LRP1B: variants seen among roughly 807,000 people sequenced by gnomAD.
LRP1B encodes low-density lipoprotein receptor-related protein 1B.
A neutral mutation model predicts 556.6 loss-of-function variants in LRP1B; 217 were observed. The observed-to-expected ratio is 0.39, with a 90% CI of 0.35 to 0.44. The LOEUF is 0.44. Among genes scored for constraint, LRP1B ranks in the 20% least tolerant of loss-of-function variants. The probability of loss-of-function intolerance (pLI) is 1.00; values close to 1 mark genes in which losing one functional copy is unlikely to be tolerated. For synonymous variants in LRP1B, 2,047 were observed against 1,865.8 expected, an observed-to-expected ratio of 1.10 and a Z score of -2.50; for missense variants, 5,053 against 5,620.8, an observed-to-expected ratio of 0.90 and a Z score of 3.23.
chr2:141,756,818 A>G (rs570386096), intron 2 of LRP1B, among the ~76,000 whole-genome samples: 31 of 152,254 alleles, frequency 2.0e-4, no homozygotes, highest in African/African-American at 7.2e-4. Flanking sequence ...AGTGGGGTAT[A>G]CCATCTAGGT....
intron 25 of LRP1B, among the ~76,000 whole-genome samples, chr2:140,881,398 A>T (rs1014251812): frequency 6.6e-6 from 1 of 152,100 alleles, no homozygotes; most frequent in Non-Finnish European, 1.5e-5. Flanking sequence ...TTTAATATTC[A>T]CATTACATTA....
intron 1 of LRP1B, among the ~76,000 whole-genome samples, chr2:141,826,423 C>G (rs900005164): frequency 1.4e-5 from 2 of 142,858 alleles, no homozygotes; most frequent in African/African-American, 2.6e-5. Flanking sequence ...GCAGTGGCGC[C>G]ATCTCGGCTC....
chr2:141,267,748 C>T (rs1684943384), intron 3 of LRP1B, among the ~76,000 whole-genome samples: 1 of 151,982 alleles, frequency 6.6e-6, no homozygotes, highest in African/African-American at 2.4e-5. Flanking sequence ...TTCTCTGTGC[C>T]TTGAGGTAGG....
At chr2:142,006,563 A>C (rs1285989844) in intron 1 of LRP1B, among the ~76,000 whole-genome samples, 1 of 152,212 alleles carries the variant, frequency 6.6e-6, no homozygotes, top group African/African-American at 2.4e-5. Flanking sequence ...ACACATTCAC[A>C]ACTTTGATTA....
At chr2:142,105,856 T>C (rs1360448489) in intron 1 of LRP1B, among the ~76,000 whole-genome samples, 3 of 152,208 alleles carry the variant, frequency 2.0e-5, no homozygotes, top group Non-Finnish European at 4.4e-5. Flanking sequence ...TAAGGTTGTA[T>C]ACTCCTCTGA....
intron 66 of LRP1B, among the ~76,000 whole-genome samples, chr2:140,405,912 T>G (rs567105251): frequency 1.9e-4 from 29 of 152,028 alleles, no homozygotes; most frequent in African/African-American, 6.5e-4. Context: ...AGACCAAAAT[T>G]TCTGGTGAAC....
At chr2:141,872,040 A>G (rs909010965) in intron 1 of LRP1B, among the ~76,000 whole-genome samples, 1 of 151,946 alleles carries the variant, frequency 6.6e-6, no homozygotes, top group Non-Finnish European at 1.5e-5. Context: ...AGAGATTCTC[A>G]GAATAAGACA....
intron 35 of LRP1B, among the ~76,000 whole-genome samples, chr2:140,743,232 C>G (rs563451979): frequency 3.3e-5 from 5 of 152,218 alleles, no homozygotes; most frequent in African/African-American, 1.2e-4. Context: ...GCTCTCTAAA[C>G]TACTTAGAAA....
chr2:141,245,855 A>C (rs1028286673), intron 5 of LRP1B, among the ~76,000 whole-genome samples: 2 of 152,122 alleles, frequency 1.3e-5, no homozygotes, highest in Admixed American at 6.6e-5. Context: ...AATTAGCAAG[A>C]CAAGTTTATT....
intron 7 of LRP1B, among the ~76,000 whole-genome samples, chr2:141,123,228 A>C (rs1196899832): frequency 1.4e-5 from 2 of 146,034 alleles, no homozygotes. Context: ...GTACCCTAGA[A>C]CTTAAAGTAT....
At chr2:141,621,528 C>T (rs577636152) in intron 2 of LRP1B, among the ~76,000 whole-genome samples, 2 of 152,138 alleles carry the variant, frequency 1.3e-5, no homozygotes, top group Non-Finnish European at 2.9e-5. Flanking sequence ...TTCCCTTAAA[C>T]TACACGTAAG....
chr2:140,370,294 C>G (rs1318107207), intron 71 of LRP1B, among the ~76,000 whole-genome samples: 3 of 151,944 alleles, frequency 2.0e-5, no homozygotes, highest in Non-Finnish European at 4.4e-5. Flanking sequence ...TGAATGTAAG[C>G]AATTGAGTAT....
At chr2:140,903,211 C>G (rs2105223882) in intron 22 of LRP1B, 46 bp from the exon 23 acceptor site, 1 of 1,592,438 alleles carries the variant, frequency 6.3e-7, no homozygotes, top group Non-Finnish European at 8.5e-7. Context: ...AATTGCTTTC[C>G]TCAGTTAAAT....
chr2:140,659,674 C>T (rs377235110), intron 41 of LRP1B, among the ~76,000 whole-genome samples: 16 of 151,956 alleles, frequency 1.1e-4, no homozygotes, highest in Non-Finnish European at 2.2e-4. Flanking sequence ...AAGGAAGGTA[C>T]AAAGGAAGAA....
chr2:140,668,329 A>G (rs1685356626), intron 41 of LRP1B, among the ~76,000 whole-genome samples: 1 of 148,020 alleles, frequency 6.8e-6, no homozygotes, highest in Admixed American at 6.7e-5. Flanking sequence ...AAAAAAAAAA[A>G]AAAAAAAAAA....
At chr2:141,862,103 C>T (rs1486235039) in intron 1 of LRP1B, among the ~76,000 whole-genome samples, 1 of 152,034 alleles carries the variant, frequency 6.6e-6, no homozygotes, top group Admixed American at 6.5e-5. Flanking sequence ...ACAAAATAAA[C>T]CTTTTATAAT....
intron 49 of LRP1B, among the ~76,000 whole-genome samples, chr2:140,524,570 G>A (rs767616487): frequency 1.6e-4 from 24 of 151,728 alleles, no homozygotes; most frequent in South Asian, 1.2e-3. Flanking sequence ...GTGGTGCACC[G>A]GATAAAGAAT....
chr2:141,432,947 G>C (rs1463911478), intron 3 of LRP1B, among the ~76,000 whole-genome samples: 1 of 151,842 alleles, frequency 6.6e-6, no homozygotes, highest in Non-Finnish European at 1.5e-5. Flanking sequence ...AGTTTAGTTT[G>C]CTACCATTTT....
chr2:141,463,580 AATTATATATAATAT>A (rs1559083882), intron 3 of LRP1B, among the ~76,000 whole-genome samples: 1 of 56,442 alleles, frequency 1.8e-5, no homozygotes, highest in African/African-American at 6.5e-5. Flanking sequence ...TATTATATAT[AATTATATATAATAT>A]ATATTATATA....
Sources: gnomAD v4.1 joint callset for allele counts (sites outside exome capture counted in the v4.1 genomes callset) on GRCh38, gnomAD v4.1.1 for gene constraint, MANE v1.5 for transcripts, NCBI Gene and HGNC (gene_info 2026-07-23, HGNC 2026-07-21) for gene names.